The following CLIP3 variants were observed in gnomAD, a reference collection of about 807,000 sequenced individuals.
CLIP3 encodes the protein CAP-Gly domain-containing linker protein 3.
Under a neutral mutation model 59.4 loss-of-function variants are expected in CLIP3, and 15 were observed. The observed-to-expected ratio is 0.25, with a 90% CI of 0.17 to 0.39. The LOEUF is 0.39. CLIP3 is among the 10% of genes least tolerant of loss of function. The pLI, the probability that CLIP3 is intolerant of heterozygous loss-of-function variation, is 1.00. For missense variants in CLIP3, 495 were observed against 765.7 expected (o/e 0.65, Z 4.17); for synonymous variants, 300 against 321.6 (o/e 0.93, Z 0.72).
rs565122063 is a variant in CLIP3 at position 36,030,796 on chromosome 19, A to G, written c.166+1396T>C. 3.3e-5 allele frequency among the ~76,000 whole-genome samples: 5 copies of G among 152,212 alleles called. No homozygotes were observed. In the East Asian group the frequency reaches 7.7e-4, roughly 24 times the overall value. On this transcript the variant is annotated intron_variant, in intron 2 of 13. Transcript: ENST00000360535. ...CCAGGATCTTTCTGTTCCAAGTTCA[A>G]TTCTGCCTCAGGGCCTTTGCACTTG...
chr19:36,021,433 C>A (rs373206382), intron 7 of CLIP3, among the ~76,000 whole-genome samples: 1 of 150,900 alleles, frequency 6.6e-6, no homozygotes, highest in African/African-American at 2.4e-5. Flanking sequence ...TACAGGTGTG[C>A]GCCACCATGC....
rs893609886 is a variant in CLIP3 at position 36,016,472 on chromosome 19, C to T, written c.1590-260G>A. ...AAGCAATTCTCCTGTCTCAGCCTCC[C>T]GAGTAGCTGGGACTACAGGTGTATG... On this transcript the variant is annotated intron_variant, in intron 13 of 13. Transcript: ENST00000360535. The surrounding 1 kb of genome is among the most constrained non-coding windows in gnomAD (Gnocchi z 4.1). Among the ~76,000 whole-genome samples the T allele has an allele frequency of 6.6e-6, 1 of 152,178 alleles. No homozygotes were observed. The highest frequency in any genetic ancestry group is 2.4e-5 in the African/African-American group (1 of 41,440).
chr19:36,019,109 A>G, intron 8 of CLIP3, 62 bp downstream of exon 8: 1 of 1,606,134 alleles, frequency 6.2e-7, no homozygotes, highest in Non-Finnish European at 8.5e-7. Context: ...CCCAGTCAGC[A>G]GCATCAGAAC....
chr19:36,022,036 G>A (rs1968964336), intron 7 of CLIP3, among the ~76,000 whole-genome samples: 1 of 152,006 alleles, frequency 6.6e-6, no homozygotes, highest in Non-Finnish European at 1.5e-5. Context: ...CTGCCACCAT[G>A]CCTGGCTAAT....
chr19:36,016,783 T>G lies in CLIP3; in HGVS notation c.1589+124A>C, dbSNP rs188755444. 42 of 984,802 alleles carry G rather than the reference T, an allele frequency of 4.3e-5. No individual in the cohort carries two copies. In the African/African-American group the frequency reaches 6.0e-4, roughly 14 times the overall value. 61.0% of individuals were successfully genotyped at this position (984,802 alleles called of 1,614,324 possible). On this transcript the variant is annotated intron_variant, in intron 13 of 13. Transcript: ENST00000360535. The surrounding 1 kb of genome is among the most constrained non-coding windows in gnomAD (Gnocchi z 4.1). ...GACTGTTTCTGGGTATGCTTACAAG[T>G]CACAAGTTTTCCTAACCTCTCTTTC...
chr19:36,016,734 C>T lies in CLIP3; in HGVS notation c.1589+173G>A, dbSNP rs1025589560. 3.1e-6 allele frequency: 2 copies of T among 653,896 alleles called. No individual in the cohort carries two copies. The highest frequency in any genetic ancestry group is 5.3e-6 in the Non-Finnish European group (2 of 374,234). The allele number at this position is 653,896 out of a possible 1,614,324, so 40.5% of individuals were successfully genotyped here. A position where few individuals can be genotyped will look rare whatever the true frequency, so the allele number is the denominator to read the frequency against. ...CCCGAAAGTGGAATTCACTAGAATT[C>T]AGTGCGGGGCCCTACACCCTAAAGA... On this transcript the variant is annotated intron_variant, in intron 13 of 13. Transcript: ENST00000360535. The surrounding 1 kb of genome is among the most constrained non-coding windows in gnomAD (Gnocchi z 4.1).
Position 36,031,023 on chromosome 19 carries a change from C to CTTTTTTTTTTTTTTTTTTTT in CLIP3, c.166+1168_166+1169insAAAAAAAAAAAAAAAAAAAA, listed in dbSNP as rs55762943. Among the ~76,000 whole-genome samples, 72 of 80,188 alleles carry CTTTTTTTTTTTTTTTTTTTT rather than the reference C, an allele frequency of 9.0e-4. 1 individual carries two copies. Among genetic ancestry groups the CTTTTTTTTTTTTTTTTTTTT allele is most frequent in the South Asian group, 1.3e-3 (3 of 2,358 alleles). The allele number at this position is 80,188 out of a possible 152,430, so 52.6% of individuals were successfully genotyped here. ...TTTTTCTTTTCTTTTTTTTTTTTTT[C>CTTTTTTTTTTTTTTTTTTTT]TTTTTTTTTTTTTTTTTTGAGACAG... On this transcript the variant is annotated intron_variant, in intron 2 of 13. Transcript: ENST00000360535.
At position 36,026,620 on chromosome 19, in the gene CLIP3, G is replaced by C. The variant is rs1242420635; in HGVS notation, c.528C>G (p.Leu176=). The change falls in exon 5 of 14, where the codon CTC becomes CTG. Residue 176 remains leucine, a synonymous_variant. Transcript: ENST00000360535. This position sits in a 1 kb window ranked among gnomAD's most constrained non-coding sequence, Gnocchi z 6.3. The stretch of plus-strand genomic sequence containing the variant: ...TCGCACCCTTCAGCAGCACACGCAC[G>C]AGGTCGGGCACATCAAAATAGGCCG... ...HYAAYFDVPD[L]VRVLLKGARP... is the part of the protein sequence containing the mutation. 1 of 1,613,758 alleles carries C rather than the reference G, an allele frequency of 6.2e-7. No individual in the cohort carries two copies. The highest frequency in any genetic ancestry group is 1.1e-5 in the South Asian group (1 of 91,078).
Position 36,026,959 on chromosome 19 carries a change from G to A in CLIP3, c.393C>T (p.His131=), listed in dbSNP as rs767475996. The A allele has an allele frequency of 3.9e-6, 6 of 1,544,482 alleles. No homozygotes were observed. The Admixed American group carries it at 6.4e-5, about 16-fold the overall frequency. ...LLHYACKAGA[H]GVGDPAAAVR... is the part of the protein sequence containing the mutation. ...GGGGTAGGGGGCCCTCACCGACTCC[G>A]TGGGCCCCAGCTTTGCACGCATAGT... The change falls in exon 4 of 14, where the codon CAC becomes CAT. Residue 131 remains histidine (H), a synonymous_variant. Coordinates refer to ENST00000360535, the MANE Select transcript of CLIP3 (RefSeq NM_015526.3). This position sits in a 1 kb window ranked among gnomAD's most constrained non-coding sequence, Gnocchi z 6.3.
intron 3 of CLIP3, 34 bp downstream of exon 3, chr19:36,027,098 T>A (rs887837297): frequency 1.3e-5 from 21 of 1,591,470 alleles, no homozygotes; most frequent in Non-Finnish European, 1.8e-5. Flanking sequence ...GGGAACCGCA[T>A]CCCCTCTCCC....
At position 36,017,987 on chromosome 19, in the gene CLIP3, C is replaced by T. The variant is rs1464151954; in HGVS notation, c.1188G>A (p.Lys396=). ...GAGATGGGGATGATGGGGTCTTCTTCTTGCCTAAGGGTAGAAGGTGTAGGA... is the reference window on the plus strand; with the variant it reads ...GAGATGGGGATGATGGGGTCTTCTTTTTGCCTAAGGGTAGAAGGTGTAGGA... ...TGKGRREHKG[K]KKTPSSPSLG... The change falls in exon 10 of 14, where the codon AAG becomes AAA. Residue 396 remains lysine, a synonymous_variant. Coordinates refer to ENST00000360535, the MANE Select transcript of CLIP3 (RefSeq NM_015526.3). 6.2e-7 allele frequency: 1 copy of T among 1,613,796 alleles called. No individual in the cohort carries two copies. The highest frequency in any genetic ancestry group is 1.1e-5 in the South Asian group (1 of 91,068).
rs534269032 is a variant in CLIP3, at chr19:36,026,838, T to G, written c.401-91A>C. On this transcript the variant is annotated intron_variant, in intron 4 of 13. Transcript: ENST00000360535. The surrounding 1 kb of genome is among the most constrained non-coding windows in gnomAD (Gnocchi z 6.3). ...ACCCTGGGCTTCAGGGACTATACTT[T>G]GGGATCCGAAGCTTCGGGTTCCAGA... is the stretch of plus-strand genomic sequence containing the variant. The G allele has an allele frequency of 6.5e-7, 1 of 1,536,152 alleles. No individual in the cohort carries two copies. Among genetic ancestry groups the G allele is most frequent in the African/African-American group, 1.4e-5 (1 of 72,966 alleles).
In CLIP3 at chr19:36,032,844, C is replaced by A. The variant is rs1969302419; in HGVS notation, c.-179G>T. On this transcript the variant is annotated 5_prime_UTR_variant, in exon 1 of 14. Transcript: ENST00000360535. This position sits in a 1 kb window ranked among gnomAD's most constrained non-coding sequence, Gnocchi z 4.3. ...GAGACAGAGAGAAGGGGACGAGGCC[C>A]AGACGCCGACAGGGGGTGGGGGCGG... The A allele has an allele frequency of 6.6e-6, 1 of 152,564 alleles. No homozygotes were observed. The highest frequency in any genetic ancestry group is 1.5e-5 in the Non-Finnish European group (1 of 68,290). 9.5% of individuals were successfully genotyped at this position (152,564 alleles called of 1,614,324 possible). A position where few individuals can be genotyped will look rare whatever the true frequency, so the allele number is the denominator to read the frequency against.
Position 36,026,136 on chromosome 19 carries a change from G to A in CLIP3, c.681+11C>T, listed in dbSNP as rs761815457. 6 of 1,603,378 alleles carry A rather than the reference G, an allele frequency of 3.7e-6. No homozygotes were observed. The Admixed American group carries it at 1.0e-4, about 27-fold the overall frequency. On this transcript the variant is annotated intron_variant, in intron 6 of 13. Coordinates refer to ENST00000360535, the MANE Select transcript of CLIP3 (RefSeq NM_015526.3). This position sits in a 1 kb window ranked among gnomAD's most constrained non-coding sequence, Gnocchi z 6.3. The stretch of plus-strand genomic sequence containing the variant: ...AGGAGGGTAACGGGTTCTGGGCAAG[G>A]GTGGCAGTACCCTCAGCGCAGGGTT...
At position 36,032,477 on chromosome 19, in the gene CLIP3, G is replaced by T; in HGVS notation, c.-58-62C>A. The T allele has an allele frequency of 2.3e-6, 1 of 438,842 alleles. No individual in the cohort carries two copies. Among genetic ancestry groups the T allele is most frequent in the Non-Finnish European group, 3.8e-6 (1 of 262,172 alleles). 27.2% of individuals were successfully genotyped at this position (438,842 alleles called of 1,614,324 possible). ...GGCTCCAGGGTCCAAGCCCCTAGGA[G>T]CTTCCAGGGCCCCGGGTGGCCTCCG... On this transcript the variant is annotated intron_variant, in intron 1 of 13. Coordinates refer to ENST00000360535, the MANE Select transcript of CLIP3 (RefSeq NM_015526.3). This position sits in a 1 kb window ranked among gnomAD's most constrained non-coding sequence, Gnocchi z 4.3.
rs576126964 is a variant in CLIP3 at position 36,016,652 on chromosome 19, G to A, written c.1589+255C>T. Among the ~76,000 whole-genome samples the A allele has an allele frequency of 6.6e-6, 1 of 152,316 alleles. No homozygotes were observed. Among genetic ancestry groups the A allele is most frequent in the Non-Finnish European group, 1.5e-5 (1 of 68,026 alleles). ...CATGAGCCACCCCGCCCGGTCTCTA[G>A]CTGTTGTTCTGAGGCTCGTATGGAG... On this transcript the variant is annotated intron_variant, in intron 13 of 13. Coordinates refer to ENST00000360535, the MANE Select transcript of CLIP3 (RefSeq NM_015526.3). The surrounding 1 kb of genome is among the most constrained non-coding windows in gnomAD (Gnocchi z 4.1).
Position 36,030,661 on chromosome 19 carries a change from C to T in CLIP3, c.166+1531G>A, listed in dbSNP as rs531479425. On this transcript the variant is annotated intron_variant, in intron 2 of 13. Coordinates refer to ENST00000360535, the MANE Select transcript of CLIP3 (RefSeq NM_015526.3). ...ACCCTCCCCTTGCCACTCTTCTCCC[C>T]TGTCCCACTTAGAATATAACCAAAG... Among the ~76,000 whole-genome samples, 153 of 152,348 alleles carry T rather than the reference C, an allele frequency of 1.0e-3. 1 individual carries two copies. Among genetic ancestry groups the T allele is most frequent in the Non-Finnish European group, 4.9e-4 (33 of 68,036 alleles).
chr19:36,015,487 T>G lies in CLIP3; in HGVS notation c.*671A>C, dbSNP rs1968770996. ...TTGAGGGTGCAGAGGGTAGGAAGAC[T>G]TGGGGGGTCCTGTAATTAGCACTTC... is the stretch of plus-strand genomic sequence containing the variant. On this transcript the variant is annotated 3_prime_UTR_variant, in exon 14 of 14. Transcript: ENST00000360535. 6.5e-6 allele frequency: 1 copy of G among 153,230 alleles called. No homozygotes were observed. The highest frequency in any genetic ancestry group is 6.5e-5 in the Admixed American group (1 of 15,380). The allele number at this position is 153,230 out of a possible 1,614,324, so 9.5% of individuals were successfully genotyped here. A position where few individuals can be genotyped will look rare whatever the true frequency, so the allele number is the denominator to read the frequency against.
rs34419768 is a variant in CLIP3, at chr19:36,024,417, G to A, written c.897C>T (p.Arg299=). Residue 299 remains arginine, a synonymous_variant, in exon 7 of 14, where the codon CGC becomes CGT. Transcript: ENST00000360535. Reference sequence around the variant, plus strand: ...TGACCTTCTGGCCATCCAGCAGCACGCGGTCTCCCAGGCGCAAGCCCAGTG... The same window carrying A: ...TGACCTTCTGGCCATCCAGCAGCACACGGTCTCCCAGGCGCAAGCCCAGTG... The part of the protein sequence containing the change: ...LSALGLRLGD[R]VLLDGQKTGT... 2.9e-4 allele frequency: 463 copies of A among 1,610,160 alleles called. 3 individuals are homozygous for A. The African/African-American group carries it at 5.0e-3, about 17-fold the overall frequency.
Sources: gnomAD v4.1 joint callset for allele counts (sites outside exome capture counted in the v4.1 genomes callset) on GRCh38, gnomAD v4.1.1 for gene constraint, Gnocchi (gnomAD v3.1) non-coding constraint, MANE v1.5 for transcripts, NCBI Gene and HGNC (gene_info 2026-07-23, HGNC 2026-07-21) for gene names.